ENTPD5: variants seen among roughly 807,000 people sequenced by gnomAD.
The protein encoded by ENTPD5 is ectonucleoside triphosphate diphosphohydrolase 5 (inactive), also known as nucleoside diphosphate phosphatase ENTPD5.
In ENTPD5, 49 loss-of-function variants were observed where a neutral mutation model predicts 60.2. The ratio of observed to expected loss-of-function variants is 0.81; its 90% confidence interval spans 0.65 to 1.03. The LOEUF (loss-of-function observed/expected upper bound fraction) is 1.03, where lower values mean the gene tolerates loss of function less well. Ranked by LOEUF, ENTPD5 falls within the 50% of genes least tolerant of loss-of-function variation. ENTPD5 has a pLI of 0.00. For missense variants in ENTPD5, 480 were observed against 507.6 expected, an observed-to-expected ratio of 0.95 and a Z score of 0.52; for synonymous variants, 187 against 185.4, an observed-to-expected ratio of 1.01 and a Z score of -0.07.
chr14:73,961,852 G>A (rs2056752149), downstream of ENTPD5: 1 of 1,614,072 alleles, frequency 6.2e-7, no homozygotes, highest in African/African-American at 1.3e-5. Flanking sequence ...CCCCGCTTGT[G>A]TTGCTCAGGA....
At chr14:73,993,925 C>A (rs12586508) in intron 3 of ENTPD5, among the ~76,000 whole-genome samples, 31,999 of 87,028 alleles carry the variant, frequency 0.37, 3,621 homozygotes, top group Non-Finnish European at 0.38. Context: ...AAAAAACAAA[C>A]AAAAAAAAAC....
downstream of ENTPD5, chr14:73,959,099 C>G (rs1313758106): frequency 3.1e-6 from 5 of 1,614,146 alleles, no homozygotes; most frequent in Admixed American, 1.7e-5. Context: ...GAGCTGCCAT[C>G]TGGGGACTTT....
intron 3 of ENTPD5, among the ~76,000 whole-genome samples, chr14:74,003,012 TATATATCC>T (rs1410194240): frequency 4.6e-5 from 7 of 152,170 alleles, no homozygotes; most frequent in Non-Finnish European, 1.5e-5. Flanking sequence ...ATTCTTTTCC[TATATATCC>T]ACTTGATGAA....
chr14:73,970,082 C>T lies in ENTPD5; in HGVS notation c.1128G>A (p.Leu376=). The T allele has an allele frequency of 3.1e-6, 5 of 1,613,962 alleles. No homozygotes were observed. Among genetic ancestry groups the T allele is most frequent in the Non-Finnish European group, 3.4e-6 (4 of 1,179,882 alleles). Residue 376 remains leucine, a synonymous_variant, in exon 15 of 16, where the codon CTG becomes CTA. Transcript: ENST00000334696. ...CTGTGATGTAGCTGAGATCCATGCA[C>T]AGGAAAGGACTGCCTGAGGTGAAGT... ...LENFTSGSPF[L]CMDLSYITAL...
intron 3 of ENTPD5, among the ~76,000 whole-genome samples, chr14:74,005,598 A>G (rs2058656535): frequency 1.3e-5 from 2 of 152,070 alleles, no homozygotes; most frequent in African/African-American, 4.8e-5. Context: ...ACCTGAGGTC[A>G]GGAGTTCAAG....
At chr14:73,993,931 A>AAC (rs2058240766) in intron 3 of ENTPD5, among the ~76,000 whole-genome samples, 1 of 123,824 alleles carries the variant, frequency 8.1e-6, no homozygotes, top group African/African-American at 2.5e-5. Context: ...CAAACAAAAA[A>AAC]AAACAAACAA....
intron 6 of ENTPD5, among the ~76,000 whole-genome samples, chr14:73,979,943 ATTTTTTT>A (rs554438546): frequency 2.4e-5 from 3 of 127,568 alleles, no homozygotes; most frequent in African/African-American, 8.9e-5. Flanking sequence ...TTTTGCCATG[ATTTTTTT>A]TTTTTTTTTT....
chr14:74,014,308 C>T (rs2058942225), intron 2 of ENTPD5, among the ~76,000 whole-genome samples: 1 of 152,062 alleles, frequency 6.6e-6, no homozygotes, highest in Admixed American at 6.6e-5. Flanking sequence ...AACTATAATT[C>T]CAGCACTTTG....
intron 3 of ENTPD5, among the ~76,000 whole-genome samples, chr14:73,998,239 T>G (rs1407643723): frequency 6.6e-6 from 1 of 152,124 alleles, no homozygotes; most frequent in East Asian, 1.9e-4. Context: ...CTGAAGCCTG[T>G]TGTACAAAGA....
chr14:74,002,842 C>A (rs2058552194), intron 3 of ENTPD5, among the ~76,000 whole-genome samples: 1 of 152,154 alleles, frequency 6.6e-6, no homozygotes, highest in African/African-American at 2.4e-5. Flanking sequence ...TTCAGAGAAA[C>A]AAGGTCCTGA....
At position 74,000,647 on chromosome 14, in the gene ENTPD5, G is replaced by T. The variant is rs190345699; in HGVS notation, c.-71+10444C>A. 4.0e-4 allele frequency among the ~76,000 whole-genome samples: 60 copies of T among 150,960 alleles called. 1 individual carries two copies. The East Asian group carries it at 7.9e-3, about 20-fold the overall frequency. ...AATACAAAAATTGTCCAGGCGTGGTGGTGTGCCTGTAATCCCAGCTACTCA... is the reference window on the plus strand; with the variant it reads ...AATACAAAAATTGTCCAGGCGTGGTTGTGTGCCTGTAATCCCAGCTACTCA... On this transcript the variant is annotated intron_variant, in intron 3 of 15. Transcript: ENST00000334696.
At chr14:73,959,622 C>T, downstream of ENTPD5, 1 of 1,582,482 alleles carries the variant, frequency 6.3e-7, no homozygotes, top group Non-Finnish European at 8.6e-7. Flanking sequence ...GGCTGGAGCG[C>T]AGTGGCGCGA....
chr14:73,962,565 A>G (rs1352281660), downstream of ENTPD5: 1 of 189,360 alleles, frequency 5.3e-6, no homozygotes, highest in East Asian at 1.4e-4. Flanking sequence ...TCTCTTGAAA[A>G]AAAAAAATGA....
intron 4 of ENTPD5, 146 bp downstream of exon 4, chr14:73,987,740 T>C (rs371559204): frequency 4.8e-6 from 3 of 623,898 alleles, no homozygotes; most frequent in Non-Finnish European, 8.2e-6. Context: ...ACATGTTCAA[T>C]TGTAGTCCAA....
At chr14:73,974,901 C>T (rs143162653) in intron 11 of ENTPD5, 23 bp downstream of exon 11, 11 of 1,604,064 alleles carry the variant, frequency 6.9e-6, no homozygotes, top group East Asian at 6.7e-5. Flanking sequence ...CCATCCCCCC[C>T]CAGCACAGGT....
chr14:74,010,838 T>C (rs56295863), intron 3 of ENTPD5, among the ~76,000 whole-genome samples: 8 of 152,248 alleles, frequency 5.3e-5, no homozygotes, highest in Non-Finnish European at 8.8e-5. Context: ...TAAACCACCA[T>C]TACCTCCTAA....
At chr14:73,958,163 C>T (rs139341447), downstream of ENTPD5, 367 of 1,613,914 alleles carry the variant, frequency 2.3e-4, no homozygotes, top group Non-Finnish European at 3.0e-4. Context: ...TGACGGTTCT[C>T]TACAGGAGCA....
chr14:73,968,685 C>T (rs2057090266), intron 15 of ENTPD5, among the ~76,000 whole-genome samples: 1 of 152,240 alleles, frequency 6.6e-6, no homozygotes, highest in South Asian at 2.1e-4. Context: ...CTCAGCCTCC[C>T]AAAGTGTTAG....
chr14:73,991,232 G>T (rs2140678276), intron 3 of ENTPD5, among the ~76,000 whole-genome samples: 1 of 152,208 alleles, frequency 6.6e-6, no homozygotes, highest in South Asian at 2.1e-4. Context: ...TGTGTCCTAT[G>T]ATCTCATCCG....
Sources: gnomAD v4.1 joint callset for allele counts (sites outside exome capture counted in the v4.1 genomes callset) on GRCh38, gnomAD v4.1.1 for gene constraint, MANE v1.5 for transcripts, NCBI Gene and HGNC (gene_info 2026-07-23, HGNC 2026-07-21) for gene names.